The following TMEFF1 variants were observed in gnomAD, a reference collection of about 807,000 sequenced individuals.
The protein encoded by TMEFF1 is tomoregulin-1.
In TMEFF1, 20 loss-of-function variants were observed where a neutral mutation model predicts 47.5. That is an observed-to-expected ratio of 0.42 (90% CI 0.30 to 0.61). The LOEUF (loss-of-function observed/expected upper bound fraction) is 0.61. Among genes scored for constraint, TMEFF1 ranks in the 20% least tolerant of loss-of-function variants. The probability of loss-of-function intolerance (pLI) is 0.19; values close to 1 mark genes in which losing one functional copy is unlikely to be tolerated. For missense variants in TMEFF1, 411 were observed against 471.1 expected, an observed-to-expected ratio of 0.87 and a Z score of 1.18; for synonymous variants, 162 against 166.3, an observed-to-expected ratio of 0.97 and a Z score of 0.20.
At chr9:100,517,600 T>C (rs1477348701) in intron 5 of TMEFF1, among the ~76,000 whole-genome samples, 1 of 152,228 alleles carries the variant, frequency 6.6e-6, no homozygotes, top group Non-Finnish European at 1.5e-5. Flanking sequence ...TGGATGGCAC[T>C]TGGTAAAATT....
At chr9:100,521,346 T>A (rs1447880674) in intron 5 of TMEFF1, among the ~76,000 whole-genome samples, 1 of 152,230 alleles carries the variant, frequency 6.6e-6, no homozygotes, top group African/African-American at 2.4e-5. Context: ...TTATGTTCGT[T>A]AATGCTTACC....
At chr9:100,545,353 C>T (rs1275815297) in intron 5 of TMEFF1, among the ~76,000 whole-genome samples, 1 of 152,210 alleles carries the variant, frequency 6.6e-6, no homozygotes, top group African/African-American at 2.4e-5. Context: ...GGCTTAACAC[C>T]ATGTGGAAGC....
At chr9:100,506,609 CA>C (rs1377124443) in intron 2 of TMEFF1, among the ~76,000 whole-genome samples, 1 of 150,710 alleles carries the variant, frequency 6.6e-6, no homozygotes, top group African/African-American at 2.4e-5. Context: ...ACTAAAAATA[CA>C]AAAAAAATTA....
intron 3 of TMEFF1, among the ~76,000 whole-genome samples, chr9:100,510,231 T>C (rs935091961): frequency 6.6e-6 from 1 of 152,182 alleles, no homozygotes; most frequent in Non-Finnish European, 1.5e-5. Context: ...AGTAATTTGC[T>C]AGAAGGGCTA....
At chr9:100,477,339 T>C (rs553359164) in intron 1 of TMEFF1, among the ~76,000 whole-genome samples, 1 of 152,226 alleles carries the variant, frequency 6.6e-6, no homozygotes, top group Non-Finnish European at 1.5e-5. Context: ...GCTTCTGCTG[T>C]TCAACATTTT....
intron 7 of TMEFF1, among the ~76,000 whole-genome samples, chr9:100,551,101 T>C (rs928541892): frequency 1.3e-5 from 2 of 152,250 alleles, no homozygotes; most frequent in Non-Finnish European, 2.9e-5. Context: ...AATTGCTGAA[T>C]TACAAGTGCA....
chr9:100,527,105 T>G (rs1461874466), intron 5 of TMEFF1, among the ~76,000 whole-genome samples: 9 of 151,228 alleles, frequency 6.0e-5, no homozygotes, highest in Non-Finnish European at 1.0e-4. Flanking sequence ...ATCGCGCCAC[T>G]GCACTCCAGC....
intron 3 of TMEFF1, among the ~76,000 whole-genome samples, chr9:100,511,010 A>G (rs1244672549): frequency 1.3e-5 from 2 of 152,166 alleles, no homozygotes; most frequent in African/African-American, 2.4e-5. Flanking sequence ...TCTATCAGGT[A>G]TGACGTAGGT....
At chr9:100,495,506 A>G (rs1837635260) in intron 1 of TMEFF1, among the ~76,000 whole-genome samples, 1 of 152,142 alleles carries the variant, frequency 6.6e-6, no homozygotes, top group Admixed American at 6.5e-5. Flanking sequence ...TATAGACTGT[A>G]TTGAATTCAT....
chr9:100,495,872 C>CCAT (rs968739793), intron 1 of TMEFF1, among the ~76,000 whole-genome samples: 6 of 152,224 alleles, frequency 3.9e-5, no homozygotes, highest in Non-Finnish European at 1.5e-5. Context: ...TGCTACATGA[C>CCAT]ACCTGTCTTT....
At chr9:100,568,255 A>G (rs1839162761) in intron 8 of TMEFF1, among the ~76,000 whole-genome samples, 2 of 152,224 alleles carry the variant, frequency 1.3e-5, no homozygotes, top group Admixed American at 6.5e-5. Flanking sequence ...AAGCCAAACC[A>G]TTAGAGAGCT....
chr9:100,515,033 G>C (rs973414859), intron 4 of TMEFF1, among the ~76,000 whole-genome samples: 1 of 152,014 alleles, frequency 6.6e-6, no homozygotes, highest in Non-Finnish European at 1.5e-5. Flanking sequence ...AAAGCCAGGT[G>C]TGGTGGTATG....
chr9:100,519,815 T>G (rs564909096), intron 5 of TMEFF1, among the ~76,000 whole-genome samples: 1 of 152,234 alleles, frequency 6.6e-6, no homozygotes, highest in African/African-American at 2.4e-5. Flanking sequence ...CAAATGCCTA[T>G]TTATTGAATT....
At chr9:100,491,243 A>G (rs889713198) in intron 1 of TMEFF1, among the ~76,000 whole-genome samples, 4 of 152,182 alleles carry the variant, frequency 2.6e-5, no homozygotes, top group African/African-American at 9.7e-5. Context: ...AGTTGGGTAC[A>G]TGTTCAAGAA....
In TMEFF1 at chr9:100,498,792, G is replaced by A. The variant is rs138349581; in HGVS notation, c.224G>A (p.Arg75Lys). The change falls in exon 2 of 10, where the codon AGA (arginine) becomes AAA (lysine). Residue 75 changes from arginine (R) to lysine (K), a missense_variant. Arg to Lys is a conservative substitution (Grantham distance 26, BLOSUM62 2). Coordinates refer to ENST00000374879, the MANE Select transcript of TMEFF1 (RefSeq NM_003692.5). ...SELNVRESDV[R>K]VCDESSCKYG... ...TTAAATGTGAGGGAGTCTGACGTAA[G>A]AGTTTGTGATGAGTCATCATGTAAA... 6.2e-7 allele frequency: 1 copy of A among 1,613,880 alleles called. No homozygotes were observed. Among genetic ancestry groups the A allele is most frequent in the Non-Finnish European group, 8.5e-7 (1 of 1,179,902 alleles).
chr9:100,552,193 G>T (rs1421959761), intron 7 of TMEFF1, among the ~76,000 whole-genome samples: 1 of 152,110 alleles, frequency 6.6e-6, no homozygotes, highest in Non-Finnish European at 1.5e-5. Flanking sequence ...TGTGGGCAGT[G>T]GGGAATCATT....
chr9:100,493,186 A>G (rs933299442), intron 1 of TMEFF1, among the ~76,000 whole-genome samples: 3 of 152,076 alleles, frequency 2.0e-5, no homozygotes, highest in African/African-American at 7.2e-5. Context: ...CTGTTGCTAA[A>G]CAACCTCCAG....
chr9:100,533,389 C>T (rs750328791), intron 5 of TMEFF1, among the ~76,000 whole-genome samples: 27 of 152,030 alleles, frequency 1.8e-4, no homozygotes, highest in Non-Finnish European at 3.1e-4. Flanking sequence ...GCTCATTTCA[C>T]CTAGAGTTTC....
intron 4 of TMEFF1, among the ~76,000 whole-genome samples, chr9:100,513,597 A>G (rs1838007773): frequency 6.6e-6 from 1 of 151,502 alleles, no homozygotes; most frequent in South Asian, 2.1e-4. Context: ...CTTAGCCATC[A>G]CTCCTAACCC....
Sources: gnomAD v4.1 joint callset for allele counts (sites outside exome capture counted in the v4.1 genomes callset) on GRCh38, gnomAD v4.1.1 for gene constraint, MANE v1.5 for transcripts, NCBI Gene and HGNC (gene_info 2026-07-23, HGNC 2026-07-21) for gene names.